Variants in KPNB1 observed in about 807,000 individuals in gnomAD.
KPNB1 encodes the protein karyopherin subunit beta 1.
KPNB1 carries 7 observed loss-of-function variants against 113.0 expected under a neutral mutation model. The ratio of observed to expected loss-of-function variants is 0.06; its 90% confidence interval spans 0.04 to 0.12. The LOEUF (loss-of-function observed/expected upper bound fraction) is 0.12. Among genes scored for constraint, KPNB1 ranks in the 10% least tolerant of loss-of-function variants. KPNB1 has a pLI of 1.00. For synonymous variants in KPNB1, 363 were observed against 378.6 expected, an observed-to-expected ratio of 0.96 and a Z score of 0.48; for missense variants, 400 against 1,054.8, an observed-to-expected ratio of 0.38 and a Z score of 8.60.
At chr17:47,655,950 G>A (rs760053995) in intron 3 of KPNB1, among the ~76,000 whole-genome samples, 2 of 152,124 alleles carry the variant, frequency 1.3e-5, no homozygotes, top group African/African-American at 2.4e-5. Flanking sequence ...CTACTTCTCC[G>A]TATTATAGAT....
At chr17:47,653,746 G>A (rs1915644176) in intron 3 of KPNB1, among the ~76,000 whole-genome samples, 1 of 152,136 alleles carries the variant, frequency 6.6e-6, no homozygotes, top group Non-Finnish European at 1.5e-5. Flanking sequence ...TCAGCATTAG[G>A]TAAAGTAGTG....
chr17:47,680,267 C>A, intron 20 of KPNB1, 133 bp downstream of exon 20: 1 of 768,618 alleles, frequency 1.3e-6, no homozygotes, highest in Admixed American at 2.3e-5. Flanking sequence ...CTTTGCAGAA[C>A]GCTTCATGTC....
At chr17:47,656,792 T>A (rs1215612451) in intron 3 of KPNB1, 68 bp from the exon 4 acceptor site, 13 of 1,452,080 alleles carry the variant, frequency 9.0e-6, no homozygotes, top group Non-Finnish European at 1.3e-5. Flanking sequence ...AATATAAGTA[T>A]GGTGGTGGGC....
chr17:47,650,555 TCCCCCTC>T lies in KPNB1; in HGVS notation c.99+123_99+129del, dbSNP rs1187930615. 65 of 550,928 alleles carry T rather than the reference TCCCCCTC, an allele frequency of 1.2e-4. No homozygotes were observed. In the African/African-American group the frequency reaches 1.2e-3, roughly 10 times the overall value. 34.1% of individuals were successfully genotyped at this position (550,928 alleles called of 1,614,324 possible). A position where few individuals can be genotyped will look rare whatever the true frequency, so the allele number is the denominator to read the frequency against. ...CGGGAACCTACCCCGCCCCATCCCG[TCCCCCTC>T]CCCCCTCCCCCTCCCCCCCCAACCC... On this transcript the variant is annotated intron_variant, in intron 2 of 21. Coordinates refer to ENST00000290158, the MANE Select transcript of KPNB1 (RefSeq NM_002265.6).
At chr17:47,674,970 C>T (rs563768971) in intron 15 of KPNB1, among the ~76,000 whole-genome samples, 188 bp downstream of exon 15, 1 of 152,336 alleles carries the variant, frequency 6.6e-6, no homozygotes, top group Non-Finnish European at 1.5e-5. Context: ...CAGATGCACA[C>T]CACCATGCCC....
chr17:47,667,303 T>G (rs1397700394), intron 9 of KPNB1, among the ~76,000 whole-genome samples: 1 of 152,032 alleles, frequency 6.6e-6, no homozygotes, highest in African/African-American at 2.4e-5. Context: ...GTCTTTGTAT[T>G]TTTAGTAGAA....
chr17:47,685,003 C>T lies in KPNB1; in HGVS notation c.*2599C>T, dbSNP rs192505095. The stretch of plus-strand genomic sequence containing the variant: ...CACATTCCTTCAAGAATGTAGTTAC[C>T]GTCTGCTTGGGAAGATGTCAGTGCA... On this transcript the variant is annotated 3_prime_UTR_variant, in exon 22 of 22. Coordinates refer to ENST00000290158, the MANE Select transcript of KPNB1 (RefSeq NM_002265.6). The T allele has an allele frequency of 2.0e-5, 3 of 152,142 alleles. No individual in the cohort carries two copies. Among genetic ancestry groups the T allele is most frequent in the South Asian group, 2.1e-4 (1 of 4,830 alleles). The allele number at this position is 152,142 out of a possible 1,614,324, so 9.4% of individuals were successfully genotyped here. A position where few individuals can be genotyped will look rare whatever the true frequency, so the allele number is the denominator to read the frequency against.
At chr17:47,678,950 C>T (rs2030692342) in intron 19 of KPNB1, among the ~76,000 whole-genome samples, 2 of 151,822 alleles carry the variant, frequency 1.3e-5, no homozygotes, top group Admixed American at 6.6e-5. Context: ...TGGAGACAGT[C>T]TCACTCTCAC....
At chr17:47,655,554 AGTT>A (rs1187382304) in intron 3 of KPNB1, among the ~76,000 whole-genome samples, 8 of 152,098 alleles carry the variant, frequency 5.3e-5, no homozygotes, top group African/African-American at 1.9e-4. Context: ...CCGAATGCTG[AGTT>A]GTTAGTGATT....
rs142681378 is a variant in KPNB1, at chr17:47,665,274, T to G, written c.999+116T>G. 3.6e-5 allele frequency: 28 copies of G among 783,458 alleles called. No homozygotes were observed. In the East Asian group the frequency reaches 7.4e-4, roughly 21 times the overall value. The allele number at this position is 783,458 out of a possible 1,614,324, so 48.5% of individuals were successfully genotyped here. On this transcript the variant is annotated intron_variant, in intron 9 of 21. Coordinates refer to ENST00000290158, the MANE Select transcript of KPNB1 (RefSeq NM_002265.6). Reference sequence around the variant, plus strand: ...CATCAACTATTTGATGTTCTGTTGTTGATGACTTAGAAACAGCTAAGCTGC... The same window carrying G: ...CATCAACTATTTGATGTTCTGTTGTGGATGACTTAGAAACAGCTAAGCTGC...
At position 47,674,624 on chromosome 17, in the gene KPNB1, T is replaced by TA. The variant is rs2030542332; in HGVS notation, c.1768-13dup. 3.7e-6 allele frequency: 6 copies of TA among 1,611,062 alleles called. No homozygotes were observed. The highest frequency in any genetic ancestry group is 4.5e-5 in the East Asian group (2 of 44,848). On this transcript the variant is annotated splice_polypyrimidine_tract_variant and intron_variant, in intron 14 of 21. Coordinates refer to ENST00000290158, the MANE Select transcript of KPNB1 (RefSeq NM_002265.6). The stretch of plus-strand genomic sequence containing the variant: ...TTGGAATCAACTGATCTTGAACTCT[T>TA]ACTCATTTCACAGAATGTTCTTCGG...
chr17:47,661,193 A>G lies in KPNB1; in HGVS notation c.696+15A>G. ...CAGATACGAGGGTAAGTGTGAGGTT[A>G]TATGAAAAATCTGTCTTACATCTTT... On this transcript the variant is annotated intron_variant, in intron 6 of 21. Transcript: ENST00000290158. 2.5e-6 allele frequency: 4 copies of G among 1,599,298 alleles called. No individual in the cohort carries two copies. Among genetic ancestry groups the G allele is most frequent in the Non-Finnish European group, 3.4e-6 (4 of 1,166,498 alleles).
At chr17:47,666,975 A>AT (rs1206315814) in intron 9 of KPNB1, among the ~76,000 whole-genome samples, 2 of 151,868 alleles carry the variant, frequency 1.3e-5, no homozygotes, top group Non-Finnish European at 2.9e-5. Flanking sequence ...TCTTTGTGTG[A>AT]TTTTCTGAAA....
chr17:47,671,186 G>A (rs151275940), intron 12 of KPNB1, among the ~76,000 whole-genome samples: 15,577 of 152,184 alleles, frequency 0.1, 1,155 homozygotes, highest in Non-Finnish European at 0.15. Context: ...GAACCTGGGA[G>A]ATGGAGGTTG....
chr17:47,651,231 C>A (rs531648421), intron 2 of KPNB1: 16 of 985,128 alleles, frequency 1.6e-5, no homozygotes, highest in Admixed American at 6.2e-5. Flanking sequence ...GCTAAGTCCG[C>A]TAGAGACTGG....
chr17:47,658,129 T>C (rs187851585), intron 4 of KPNB1, among the ~76,000 whole-genome samples: 1 of 152,238 alleles, frequency 6.6e-6, no homozygotes, highest in East Asian at 1.9e-4. Context: ...TGAAGCTCCT[T>C]ATGGCAGTCT....
At position 47,677,513 on chromosome 17, in the gene KPNB1, G is replaced by A. The variant is rs193131235; in HGVS notation, c.2103+386G>A. Among the ~76,000 whole-genome samples, 11 of 150,976 alleles carry A rather than the reference G, an allele frequency of 7.3e-5. No individual in the cohort carries two copies. The East Asian group carries it at 1.6e-3, about 21-fold the overall frequency. ...AAAAAAAAATCAGTGACAGGGAGCT[G>A]TAAGTTTCTAGAACATTGGCTTTGG... On this transcript the variant is annotated intron_variant, in intron 17 of 21. Transcript: ENST00000290158.
intron 7 of KPNB1, 21 bp downstream of exon 7, chr17:47,663,199 G>T: frequency 8.0e-7 from 1 of 1,248,308 alleles, no homozygotes; most frequent in South Asian, 1.2e-5. Flanking sequence ...CTATTTATGT[G>T]ATTTGAGCTT....
At chr17:47,674,075 A>T (rs1335337369) in intron 14 of KPNB1, among the ~76,000 whole-genome samples, 1 of 152,206 alleles carries the variant, frequency 6.6e-6, no homozygotes, top group African/African-American at 2.4e-5. Context: ...GGCTAAAAAT[A>T]AAGCCTTGAA....
Sources: gnomAD v4.1 joint callset for allele counts (sites outside exome capture counted in the v4.1 genomes callset) on GRCh38, gnomAD v4.1.1 for gene constraint, MANE v1.5 for transcripts, NCBI Gene and HGNC (gene_info 2026-07-23, HGNC 2026-07-21) for gene names.